Variants in MAP2K3 observed in about 807,000 individuals in gnomAD.
MAP2K3 encodes mitogen-activated protein kinase kinase 3.
MAP2K3 carries 30 observed loss-of-function variants against 46.4 expected under a neutral mutation model. The ratio of observed to expected loss-of-function variants is 0.65; its 90% CI spans 0.48 to 0.88. The LOEUF (loss-of-function observed/expected upper bound fraction) is 0.88, where lower values mean the gene tolerates loss of function less well. MAP2K3 is among the 40% of genes least tolerant of loss of function. The pLI is 0.00. For synonymous variants in MAP2K3, 189 were observed against 176.3 expected, an observed-to-expected ratio of 1.07 and a Z score of -0.57; for missense variants, 380 against 464.5, an observed-to-expected ratio of 0.82 and a Z score of 1.67.
At chr17:21,298,052 G>A (rs542972614) in intron 1 of MAP2K3, among the ~76,000 whole-genome samples, 28 of 152,412 alleles carry the variant, frequency 1.8e-4, no homozygotes, top group African/African-American at 6.3e-4. Context: ...CTGGACCCCC[G>A]CTGGGCCCCT....
chr17:21,289,612 C>T (rs1332627718), intron 1 of MAP2K3, among the ~76,000 whole-genome samples: 2 of 152,232 alleles, frequency 1.3e-5, no homozygotes, highest in Non-Finnish European at 2.9e-5. Context: ...TGGCGCTGCC[C>T]ACCTCCATCA....
chr17:21,302,265 TG>T lies in MAP2K3; in HGVS notation c.516+8del. The T allele has an allele frequency of 6.6e-7, 1 of 1,521,836 alleles. No individual in the cohort carries two copies. Among genetic ancestry groups the T allele is most frequent in the South Asian group, 1.1e-5 (1 of 89,772 alleles). 94.3% of individuals were successfully genotyped at this position (1,521,836 alleles called of 1,614,324 possible). A position where few individuals can be genotyped will look rare whatever the true frequency, so the allele number is the denominator to read the frequency against. ...TTGGGGAGATTGCTGTGTCTGTGAG[TG>T]GCCTGGGTGGGCTGGCGGGGGGTCC... is the stretch of plus-strand genomic sequence containing the variant. On this transcript the variant is annotated splice_region_variant and intron_variant, in intron 6 of 11. Transcript: ENST00000342679.
In MAP2K3 at chr17:21,296,047, T is replaced by A. The variant is rs1350328015; in HGVS notation, c.50-2366T>A. Reference sequence around the variant, plus strand: ...ATCAGGAATAAAAGCTACCTATAATTCTCATTACTTAGGGCAGTTTTTTTT... The same window carrying A: ...ATCAGGAATAAAAGCTACCTATAATACTCATTACTTAGGGCAGTTTTTTTT... On this transcript the variant is annotated intron_variant, in intron 1 of 11. Coordinates refer to ENST00000342679, the MANE Select transcript of MAP2K3 (RefSeq NM_145109.3). 4.7e-6 allele frequency: 6 copies of A among 1,288,726 alleles called. No individual in the cohort carries two copies. In the South Asian group the frequency reaches 6.2e-5, roughly 13 times the overall value. The allele number at this position is 1,288,726 out of a possible 1,614,324, so 79.8% of individuals were successfully genotyped here. A position where few individuals can be genotyped will look rare whatever the true frequency, so the allele number is the denominator to read the frequency against.
intron 9 of MAP2K3, among the ~76,000 whole-genome samples, chr17:21,305,421 G>A (rs1357430907): frequency 4.6e-5 from 7 of 152,380 alleles, no homozygotes; most frequent in Non-Finnish European, 8.8e-5. Flanking sequence ...CCCAAATTAC[G>A]TAAGTTCCTG....
chr17:21,285,304 T>C, intron 1 of MAP2K3: 1 of 985,144 alleles, frequency 1.0e-6, no homozygotes, highest in Non-Finnish European at 1.2e-6. Context: ...ACTCTCCCAG[T>C]CTTCTCCCTC....
At chr17:21,288,200 G>A (rs937286948) in intron 1 of MAP2K3, 18 of 842,414 alleles carry the variant, frequency 2.1e-5, no homozygotes, top group Admixed American at 1.3e-4. Context: ...AGGGGGTTAC[G>A]TGTCCTGCAG....
chr17:21,289,644 C>T (rs992830900), intron 1 of MAP2K3, among the ~76,000 whole-genome samples: 1 of 152,246 alleles, frequency 6.6e-6, no homozygotes, highest in African/African-American at 2.4e-5. Flanking sequence ...CCAGTGGCTT[C>T]TGCAGATGCC....
chr17:21,295,017 C>T (rs1035980089), intron 1 of MAP2K3, among the ~76,000 whole-genome samples: 1 of 152,308 alleles, frequency 6.6e-6, no homozygotes, highest in Admixed American at 6.5e-5. Context: ...AGCCATCAGG[C>T]CACAGGGAGA....
intron 2 of MAP2K3, 122 bp downstream of exon 2, chr17:21,298,601 C>A: frequency 1.3e-6 from 2 of 1,500,800 alleles, no homozygotes; most frequent in South Asian, 1.1e-5. Context: ...CTGGGCAGCC[C>A]CTGCTGTGCA....
chr17:21,294,626 TCC>T, intron 1 of MAP2K3, among the ~76,000 whole-genome samples: 1 of 152,308 alleles, frequency 6.6e-6, no homozygotes, highest in Admixed American at 6.5e-5. Context: ...TCACCTCTTC[TCC>T]CGCATGCTTG....
intron 1 of MAP2K3, among the ~76,000 whole-genome samples, chr17:21,290,881 G>A (rs1308448485): frequency 1.3e-5 from 2 of 152,310 alleles, no homozygotes; most frequent in Non-Finnish European, 2.9e-5. Flanking sequence ...TGCCTGGGAG[G>A]TTGAGGCTGC....
chr17:21,291,998 G>C (rs1350993156), intron 1 of MAP2K3, among the ~76,000 whole-genome samples: 1 of 152,312 alleles, frequency 6.6e-6, no homozygotes, highest in Non-Finnish European at 1.5e-5. Context: ...CCGACGCTGT[G>C]GTGGTTTCTC....
chr17:21,301,397 T>C (rs1976591744), intron 5 of MAP2K3, among the ~76,000 whole-genome samples: 1 of 152,306 alleles, frequency 6.6e-6, no homozygotes, highest in African/African-American at 2.4e-5. Context: ...GTGGACAGGA[T>C]GGGGTGTGTG....
chr17:21,298,376 G>A (rs755483796), intron 1 of MAP2K3, 37 bp from the exon 2 acceptor site: 1 of 1,613,982 alleles, frequency 6.2e-7, no homozygotes, highest in South Asian at 1.1e-5. Context: ...TTGATGTCAA[G>A]GGATAGGCCA....
At position 21,312,270 on chromosome 17, in the gene MAP2K3, C is replaced by T. The variant is rs749329015; in HGVS notation, c.903C>T (p.Phe301=). 3.7e-6 allele frequency: 6 copies of T among 1,601,908 alleles called. No homozygotes were observed. The highest frequency in any genetic ancestry group is 5.1e-6 in the Non-Finnish European group (6 of 1,175,882). Residue 301 remains phenylalanine (F), a synonymous_variant, in exon 10 of 12, where the codon TTC becomes TTT. Coordinates refer to ENST00000342679, the MANE Select transcript of MAP2K3 (RefSeq NM_145109.3). ...ADRFSPEFVD[F]TAQCLRKNPA... ...GTTTCTCCCCCGAGTTTGTGGACTT[C>T]ACTGCTCAGTGGTGAGTCTTGGGTG...
intron 9 of MAP2K3, 54 bp downstream of exon 9, chr17:21,305,182 C>G (rs962518424): frequency 6.2e-7 from 1 of 1,611,360 alleles, no homozygotes; most frequent in African/African-American, 1.3e-5. Context: ...TGGGTGGAGC[C>G]GTGCCTGGGG....
Position 21,298,406 on chromosome 17 carries a change from A to G in MAP2K3, c.50-7A>G. The G allele has an allele frequency of 6.2e-7, 1 of 1,614,320 alleles. No individual in the cohort carries two copies. Among genetic ancestry groups the G allele is most frequent in the East Asian group, 2.2e-5 (1 of 44,896 alleles). ...AGGCCAGACGCCTCACCTTCTCTCC[A>G]TTCTAGGAAAATCCAAGAGGAAGAA... On this transcript the variant is annotated splice_region_variant and splice_polypyrimidine_tract_variant and intron_variant, in intron 1 of 11. Transcript: ENST00000342679.
In MAP2K3 at chr17:21,298,867, T is replaced by C; in HGVS notation, c.117-11T>C. The stretch of plus-strand genomic sequence containing the variant: ...TCTCTCTGAAGCTCACGGAGTCTTC[T>C]TTCTCCACAGACCCCCCCGGAACCT... On this transcript the variant is annotated splice_polypyrimidine_tract_variant and intron_variant, in intron 2 of 11. Transcript: ENST00000342679. 1 of 1,614,312 alleles carries C rather than the reference T, an allele frequency of 6.2e-7. No homozygotes were observed. Among genetic ancestry groups the C allele is most frequent in the Admixed American group, 1.7e-5 (1 of 60,038 alleles).
At chr17:21,294,246 C>T (rs1976112526) in intron 1 of MAP2K3, among the ~76,000 whole-genome samples, 1 of 152,310 alleles carries the variant, frequency 6.6e-6, no homozygotes, top group Non-Finnish European at 1.5e-5. Flanking sequence ...TGGCTCCTTC[C>T]CTGGCAGGCC....
Sources: allele counts gnomAD v4.1 joint callset (sites outside exome capture counted in the v4.1 genomes callset), GRCh38; gene constraint gnomAD v4.1.1; transcripts MANE v1.5; gene names NCBI Gene and HGNC (gene_info 2026-07-23, HGNC 2026-07-21).